Variants in ADGRG2 observed in about 807,000 individuals in gnomAD.
ADGRG2 encodes the protein G protein-coupled receptor 64.
Under a neutral mutation model 74.1 loss-of-function variants are expected in ADGRG2, and 26 were observed. That is an observed-to-expected ratio of 0.35 (90% CI 0.26 to 0.49). The LOEUF is 0.49. ADGRG2 is among the 20% of genes least tolerant of loss of function. The pLI is 0.99. For synonymous variants in ADGRG2, 296 were observed against 295.2 expected (o/e 1.00, Z -0.03); for missense variants, 619 against 763.1 (o/e 0.81, Z 2.22).
rs760867455 is a variant in ADGRG2 at position 19,033,666 on chromosome X, CAACTT to C, written c.263-17_263-13del. 5.5e-6 allele frequency: 4 copies of C among 720,928 alleles called. No homozygotes were observed. In the South Asian group the frequency reaches 7.1e-5, roughly 13 times the overall value. 59.4% of individuals were successfully genotyped at this position (720,928 alleles called of 1,213,427 possible). A position where few individuals can be genotyped will look rare whatever the true frequency, so the allele number is the denominator to read the frequency against. ...GATTTTAGTTTTTTCTGCAAAGAAA[CAACTT>C]AAATATTAGAGAATAATCATTGCTT... On this transcript the variant is annotated splice_polypyrimidine_tract_variant and intron_variant, in intron 7 of 28. Transcript: ENST00000379869.
chrX:19,055,272 A>ATG (rs72318959), intron 3 of ADGRG2, among the ~76,000 whole-genome samples: 4 of 90,415 alleles, frequency 4.4e-5, no homozygotes, highest in Non-Finnish European at 6.7e-5. Context: ...GTGTGTGTGT[A>ATG]TGTGTGTGTG....
rs748026875 is a variant in ADGRG2 at position 19,105,927 on chromosome X, CA to C, written c.-47+16514del. 7.7e-3 allele frequency among the ~76,000 whole-genome samples: 230 copies of C among 29,973 alleles called. 2 individuals carry two copies. Among genetic ancestry groups the C allele is most frequent in the Admixed American group, 0.073 (159 of 2,182 alleles). The allele number at this position is 29,973 out of a possible 115,157, so 26.0% of individuals were successfully genotyped here. A position where few individuals can be genotyped will look rare whatever the true frequency, so the allele number is the denominator to read the frequency against. ...TAAGCGACAGAGCGAGACTCTGTCTCAAAAAAAAAAAAAAAAAAAAAAAGAA... is the reference window on the plus strand; with the variant it reads ...TAAGCGACAGAGCGAGACTCTGTCTCAAAAAAAAAAAAAAAAAAAAAAGAA... On this transcript the variant is annotated intron_variant, in intron 1 of 28. Coordinates refer to ENST00000379869, the MANE Select transcript of ADGRG2 (RefSeq NM_001079858.3).
chrX:18,999,807 G>A (rs1303551878), intron 25 of ADGRG2, 54 bp downstream of exon 25: 3 of 721,619 alleles, frequency 4.2e-6, no homozygotes, highest in Non-Finnish European at 6.6e-6. Context: ...CGTTTTCTAG[G>A]AGCATTCCGT....
chrX:18,996,242 T>G, intron 26 of ADGRG2, 90 bp from the exon 27 acceptor site: 2 of 477,862 alleles, frequency 4.2e-6, no homozygotes, highest in Non-Finnish European at 7.4e-6. Flanking sequence ...AATAATTATT[T>G]TGGCAGCTGT....
intron 13 of ADGRG2, among the ~76,000 whole-genome samples, chrX:19,022,463 A>G (rs2060611174): frequency 9.0e-6 from 1 of 111,427 alleles, no homozygotes; most frequent in Non-Finnish European, 1.9e-5. Context: ...CCTTATTTGT[A>G]CCAATGAATA....
At chrX:19,075,632 A>G (rs891965610) in intron 2 of ADGRG2, among the ~76,000 whole-genome samples, 11 of 108,057 alleles carry the variant, frequency 1.0e-4, no homozygotes, top group African/African-American at 3.7e-4. Flanking sequence ...AAAAAAAAAA[A>G]AAAAAAAGAA....
chrX:18,998,519 T>G (rs1399694368), intron 26 of ADGRG2, among the ~76,000 whole-genome samples: 4 of 110,194 alleles, frequency 3.6e-5, no homozygotes, highest in Non-Finnish European at 7.6e-5. Flanking sequence ...AATAAATATG[T>G]TTTTCAATGA....
intron 1 of ADGRG2, among the ~76,000 whole-genome samples, chrX:19,112,742 G>A (rs2062433280): frequency 9.3e-6 from 1 of 107,772 alleles, no homozygotes; most frequent in Non-Finnish European, 1.9e-5. Context: ...GGTGGATCAC[G>A]AGGTCAAGAG....
intron 26 of ADGRG2, among the ~76,000 whole-genome samples, chrX:18,996,610 T>C (rs1236801139): frequency 9.2e-6 from 1 of 108,831 alleles, no homozygotes; most frequent in Non-Finnish European, 1.9e-5. Flanking sequence ...CCCACTGCCA[T>C]GTCCTTTGCT....
At chrX:19,063,091 G>A (rs938872227) in intron 3 of ADGRG2, among the ~76,000 whole-genome samples, 3 of 110,354 alleles carry the variant, frequency 2.7e-5, no homozygotes, top group South Asian at 3.9e-4. Flanking sequence ...GACCAAGAAT[G>A]AGCCCCTCAA....
Position 19,118,486 on chromosome X carries a change from A to AC in ADGRG2, c.-47+3955_-47+3956insG, listed in dbSNP as rs202061230. Among the ~76,000 whole-genome samples the AC allele has an allele frequency of 4.8e-3, 542 of 112,366 alleles. 4 individuals are homozygous for AC. The highest frequency in any genetic ancestry group is 0.017 in the African/African-American group (513 of 30,967). ...CTGCAGCCTCAAAATCCCCGGCTGA[A>AC]GAGATCCGTCTGCCTCAGCCTCCTG... On this transcript the variant is annotated intron_variant, in intron 1 of 28. Coordinates refer to ENST00000379869, the MANE Select transcript of ADGRG2 (RefSeq NM_001079858.3).
intron 2 of ADGRG2, among the ~76,000 whole-genome samples, chrX:19,073,407 C>G (rs934629129): frequency 5.4e-5 from 6 of 111,444 alleles, no homozygotes; most frequent in African/African-American, 1.6e-4. Context: ...GACCTTGACA[C>G]TAGATTAAAG....
chrX:19,042,003 T>TG (rs2061076072), intron 3 of ADGRG2, among the ~76,000 whole-genome samples: 1 of 110,445 alleles, frequency 9.1e-6, no homozygotes, highest in African/African-American at 3.3e-5. Context: ...TTTGTGGAGA[T>TG]GGGGGTCTCA....
intron 7 of ADGRG2, chrX:19,035,663 CCATCTT>C (rs2060922599): frequency 4.3e-5 from 9 of 208,610 alleles, no homozygotes; most frequent in Admixed American, 1.4e-4. Flanking sequence ...TCTATATTCT[CCATCTT>C]TATGAGCTAA....
At chrX:19,074,309 G>A (rs985337546) in intron 2 of ADGRG2, among the ~76,000 whole-genome samples, 1 of 69,452 alleles carries the variant, frequency 1.4e-5, no homozygotes, top group Non-Finnish European at 2.7e-5. Flanking sequence ...GCATGACCAC[G>A]GTTCACTGCA....
At chrX:19,117,029 C>T (rs973861044) in intron 1 of ADGRG2, among the ~76,000 whole-genome samples, 1 of 111,936 alleles carries the variant, frequency 8.9e-6, no homozygotes, top group African/African-American at 3.3e-5. Flanking sequence ...TGATGGCTCA[C>T]GCCCGTAATC....
At chrX:19,071,403 A>T (rs2061651380) in intron 2 of ADGRG2, among the ~76,000 whole-genome samples, 1 of 112,230 alleles carries the variant, frequency 8.9e-6, no homozygotes, top group African/African-American at 3.2e-5. Flanking sequence ...ATGTTAACAC[A>T]GTTGTGCAAA....
chrX:19,080,779 T>A (rs2061833299), intron 2 of ADGRG2, among the ~76,000 whole-genome samples: 1 of 110,160 alleles, frequency 9.1e-6, no homozygotes, highest in Non-Finnish European at 1.9e-5. Flanking sequence ...TGCTGCAACC[T>A]CCACCTCCCA....
At chrX:19,076,327 G>A (rs1836816785) in intron 2 of ADGRG2, among the ~76,000 whole-genome samples, 2 of 111,601 alleles carry the variant, frequency 1.8e-5, no homozygotes, top group African/African-American at 3.3e-5. Flanking sequence ...TGACTTCTTG[G>A]TGCCACAGAC....
Sources: allele counts gnomAD v4.1 joint callset (sites outside exome capture counted in the v4.1 genomes callset), GRCh38; gene constraint gnomAD v4.1.1; transcripts MANE v1.5; gene names NCBI Gene and HGNC (gene_info 2026-07-23, HGNC 2026-07-21).